The following ADGRF3 variants were observed in gnomAD, a reference collection of about 807,000 sequenced individuals.
ADGRF3 encodes adhesion G protein-coupled receptor F3.
A neutral mutation model predicts 93.2 loss-of-function variants in ADGRF3; 85 were observed. The ratio of observed to expected loss-of-function variants is 0.91; its 90% confidence interval spans 0.77 to 1.09. The LOEUF (loss-of-function observed/expected upper bound fraction) is 1.09. Ranked by LOEUF, ADGRF3 falls within the 50% of genes least tolerant of loss-of-function variation. ADGRF3 has a pLI of 0.00. For synonymous variants in ADGRF3, 534 were observed against 532.5 expected (o/e 1.00, Z -0.04); for missense variants, 1,125 against 1,246.2 (o/e 0.90, Z 1.46).
At chr2:26,320,711 C>A (rs544583110) in intron 1 of ADGRF3, among the ~76,000 whole-genome samples, 1 of 152,164 alleles carries the variant, frequency 6.6e-6, no homozygotes, top group East Asian at 1.9e-4. Context: ...TTTGTGATAG[C>A]AAATGAGTTG....
At chr2:26,327,849 T>G (rs1203125713) in intron 1 of ADGRF3, among the ~76,000 whole-genome samples, 2 of 151,846 alleles carry the variant, frequency 1.3e-5, no homozygotes, top group East Asian at 3.9e-4. Context: ...AAAAAAAAAT[T>G]TTGCCACTCT....
Position 26,315,743 on chromosome 2 carries a change from G to A in ADGRF3, c.500-3C>T, listed in dbSNP as rs1674594818. ...GTTCAGGTTGAGGATCCCGGGGACT[G>A]CAGGGAGGCAGGTGACAGGGGACCC... On this transcript the variant is annotated splice_region_variant and splice_polypyrimidine_tract_variant and intron_variant, in intron 4 of 13. Coordinates refer to ENST00000651242, the MANE Select transcript of ADGRF3 (RefSeq NM_001321971.2). 1 of 1,551,050 alleles carries A rather than the reference G, an allele frequency of 6.4e-7. No individual in the cohort carries two copies. The highest frequency in any genetic ancestry group is 8.7e-7 in the Non-Finnish European group (1 of 1,146,962).
At chr2:26,329,114 G>A (rs1462394931) in intron 1 of ADGRF3, among the ~76,000 whole-genome samples, 1 of 152,214 alleles carries the variant, frequency 6.6e-6, no homozygotes, top group Non-Finnish European at 1.5e-5. Context: ...AAAAGCACAG[G>A]TTGAACTGAT....
intron 1 of ADGRF3, among the ~76,000 whole-genome samples, chr2:26,340,773 C>T (rs1676343127): frequency 6.6e-6 from 1 of 152,186 alleles, no homozygotes; most frequent in Non-Finnish European, 1.5e-5. Context: ...TGCTGGTTCA[C>T]TACCAGAACT....
At chr2:26,310,609 C>A (rs1051132269) in intron 10 of ADGRF3, 83 bp downstream of exon 10, 68 of 1,408,162 alleles carry the variant, frequency 4.8e-5, no homozygotes, top group Admixed American at 6.7e-5. Flanking sequence ...TCTGCTCCAC[C>A]TTGGTACCTC....
chr2:26,309,409 G>A (rs950991864), intron 13 of ADGRF3, 117 bp downstream of exon 13: 43 of 1,535,348 alleles, frequency 2.8e-5, no homozygotes, highest in Non-Finnish European at 3.7e-5. Context: ...CTACCCTTTG[G>A]TGTGGGCTGG....
intron 1 of ADGRF3, among the ~76,000 whole-genome samples, chr2:26,326,626 A>G (rs1346597220): frequency 6.6e-6 from 1 of 152,170 alleles, no homozygotes; most frequent in Non-Finnish European, 1.5e-5. Context: ...AGCCTGTTAG[A>G]AGCCCTAGAG....
At chr2:26,313,243 T>A in intron 8 of ADGRF3, 121 bp from the exon 9 acceptor site, 1 of 1,434,854 alleles carries the variant, frequency 7.0e-7, no homozygotes, top group Non-Finnish European at 9.6e-7. Flanking sequence ...TTCCTGGCTC[T>A]GCTAGGGCTC....
intron 1 of ADGRF3, chr2:26,340,279 A>G (rs1676297779): frequency 6.6e-6 from 1 of 152,232 alleles, no homozygotes; most frequent in South Asian, 2.1e-4. Flanking sequence ...GTAGAGCTCT[A>G]TGTTGGCCAC....
chr2:26,312,136 C>G (rs1674221162), intron 9 of ADGRF3, 62 bp from the exon 10 acceptor site: 1 of 1,487,506 alleles, frequency 6.7e-7, no homozygotes, highest in South Asian at 1.3e-5. Context: ...GAGCCGGGGG[C>G]AATGAGAACA....
chr2:26,318,088 A>C, intron 1 of ADGRF3: 2 of 1,550,332 alleles, frequency 1.3e-6, no homozygotes, highest in Non-Finnish European at 1.7e-6. Flanking sequence ...CCAAAGCTAG[A>C]AGATAGGGGG....
rs1676751679 is a variant in ADGRF3 at position 26,346,317 on chromosome 2, C to G, written c.-83G>C. 1 of 1,597,538 alleles carries G rather than the reference C, an allele frequency of 6.3e-7. No individual in the cohort carries two copies. The highest frequency in any genetic ancestry group is 8.5e-7 in the Non-Finnish European group (1 of 1,170,528). ...ACCGCGGGCCGGCGGATGCCCCTCT[C>G]CCTGCTCCCGGCCTCGCCCAGGCGG... On this transcript the variant is annotated 5_prime_UTR_variant, in exon 1 of 14. Transcript: ENST00000651242.
intron 12 of ADGRF3, 51 bp downstream of exon 12, chr2:26,309,992 T>C: frequency 6.2e-7 from 1 of 1,614,078 alleles, no homozygotes; most frequent in Non-Finnish European, 8.5e-7. Flanking sequence ...ATGGAATGCC[T>C]TCTGACATGC....
At position 26,315,550 on chromosome 2, in the gene ADGRF3, G is replaced by A. The variant is rs1356256356; in HGVS notation, c.690C>T (p.Ser230=). The change falls in exon 5 of 14, where the codon AGC becomes AGT. Residue 230 remains serine, a synonymous_variant. Transcript: ENST00000651242. ...VTSSHGQAAL[S]VSNMSHHWAG... ...CCCAGTGATGGGACATGTTGGAGAC[G>A]CTGAGGGCAGCCTGGCCGTGGCTGG... 1.1e-5 allele frequency: 17 copies of A among 1,551,292 alleles called. No individual in the cohort carries two copies. In the Admixed American group the frequency reaches 1.2e-4, roughly 11 times the overall value.
At chr2:26,317,706 G>A (rs1674824769) in intron 1 of ADGRF3, 144 bp from the exon 2 acceptor site, 2 of 775,640 alleles carry the variant, frequency 2.6e-6, no homozygotes, top group Non-Finnish European at 4.2e-6. Flanking sequence ...GGAAGGGAAA[G>A]CAGGCTTCTG....
intron 1 of ADGRF3, among the ~76,000 whole-genome samples, chr2:26,321,207 C>T (rs1675129970): frequency 6.6e-6 from 1 of 152,158 alleles, no homozygotes; most frequent in Non-Finnish European, 1.5e-5. Flanking sequence ...AGAGCAGACA[C>T]ACTGGGCAAA....
At chr2:26,312,113 C>A in intron 9 of ADGRF3, 39 bp from the exon 10 acceptor site, 1 of 1,560,834 alleles carries the variant, frequency 6.4e-7, no homozygotes, top group Non-Finnish European at 8.6e-7. Context: ...CGTCTGCTGG[C>A]GCCCACAGGA....
intron 1 of ADGRF3, among the ~76,000 whole-genome samples, chr2:26,323,424 C>G (rs1675267119): frequency 6.6e-6 from 1 of 152,178 alleles, no homozygotes; most frequent in Admixed American, 6.5e-5. Context: ...CTGGACACCT[C>G]TAAACATGGA....
chr2:26,314,442 CG>C lies in ADGRF3; in HGVS notation c.899del (p.Ala300GlyfsTer93), dbSNP rs1558384632. On this transcript the variant is annotated frameshift_variant, in exon 6 of 14. Transcript: ENST00000651242. LOFTEE classifies it high-confidence loss of function. ...CIPSTNLAYT[A>X]AWSPGEGSKA... Reference sequence around the variant, plus strand: ...TGCTGCCCTCTCCAGGGCTCCAGGCCGCGGTGTAGGCCAGGTTTGTGCTGGG... The same window carrying C: ...TGCTGCCCTCTCCAGGGCTCCAGGCCCGGTGTAGGCCAGGTTTGTGCTGGG... The C allele has an allele frequency of 6.2e-7, 1 of 1,613,896 alleles. No homozygotes were observed. The highest frequency in any genetic ancestry group is 1.7e-5 in the Admixed American group (1 of 60,012).
Sources: allele counts gnomAD v4.1 joint callset (sites outside exome capture counted in the v4.1 genomes callset), GRCh38; gene constraint gnomAD v4.1.1; transcripts MANE v1.5; gene names NCBI Gene and HGNC (gene_info 2026-07-23, HGNC 2026-07-21).